The following ADGRE2 variants were observed in gnomAD, a reference collection of about 807,000 sequenced individuals.
ADGRE2 encodes the protein CD97 antigen.
Under a neutral mutation model 100.8 loss-of-function variants are expected in ADGRE2, and 83 were observed. The observed-to-expected ratio is 0.82, with a 90% CI of 0.69 to 0.99. The LOEUF is 0.99. Among genes scored for constraint, ADGRE2 ranks in the 50% least tolerant of loss-of-function variants. ADGRE2 has a pLI of 0.00. For missense variants in ADGRE2, 814 were observed against 1,035.7 expected (o/e 0.79, Z 2.94); for synonymous variants, 355 against 413.0 (o/e 0.86, Z 1.70).
rs58065037 is a variant in ADGRE2, at chr19:14,754,439, TTATCTATCTATC to T, written c.1590+503_1590+514del. Among the ~76,000 whole-genome samples the T allele has an allele frequency of 2.7e-3, 342 of 126,336 alleles. 1 individual carries two copies. The highest frequency in any genetic ancestry group is 4.7e-3 in the Admixed American group (58 of 12,460). The allele number at this position is 126,336 out of a possible 152,430, so 82.9% of individuals were successfully genotyped here. Reference sequence around the variant, plus strand: ...TGGCTAGAATATAAGCAGGCAGAAATTATCTATCTATCTATCTATCTATCTATCTATCTATCT... The same window carrying T: ...TGGCTAGAATATAAGCAGGCAGAAATTATCTATCTATCTATCTATCTATCT... On this transcript the variant is annotated intron_variant, in intron 14 of 20. Coordinates refer to ENST00000315576, the MANE Select transcript of ADGRE2 (RefSeq NM_013447.4).
chr19:14,746,778 A>G lies in ADGRE2; in HGVS notation c.2091+118T>C. ...GAAGATTCAAGAGTGGTCTTAGGAA[A>G]CCTAACCCAACCCATGACAACCCAG... is the stretch of plus-strand genomic sequence containing the variant. On this transcript the variant is annotated intron_variant, in intron 17 of 20. Transcript: ENST00000315576. 3 of 902,694 alleles carry G rather than the reference A, an allele frequency of 3.3e-6. No homozygotes were observed. In the South Asian group the frequency reaches 4.6e-5, roughly 14 times the overall value. 55.9% of individuals were successfully genotyped at this position (902,694 alleles called of 1,614,324 possible).
At chr19:14,728,369 G>A (rs2042647210), downstream of ADGRE2, among the ~76,000 whole-genome samples, 1 of 152,212 alleles carries the variant, frequency 6.6e-6, no homozygotes, top group South Asian at 2.1e-4. Flanking sequence ...TGTGATGACA[G>A]TCTGTTTCTC....
intron 2 of ADGRE2, 34 bp downstream of exon 2, chr19:14,776,692 G>T (rs2044453588): frequency 1.2e-6 from 2 of 1,603,340 alleles, no homozygotes; most frequent in African/African-American, 1.3e-5. Flanking sequence ...GAGCTTCCTC[G>T]CTACCACCCC....
At chr19:14,731,165 C>T, downstream of ADGRE2, 1 of 1,532,518 alleles carries the variant, frequency 6.5e-7, no homozygotes, top group Non-Finnish European at 8.7e-7. Flanking sequence ...CCTTATAATT[C>T]CCTTTTCAGC....
chr19:14,747,778 G>C (rs1385649409), intron 16 of ADGRE2, among the ~76,000 whole-genome samples: 2 of 152,172 alleles, frequency 1.3e-5, no homozygotes, highest in Non-Finnish European at 2.9e-5. Flanking sequence ...TGGCACCACT[G>C]CACTCCAGCC....
chr19:14,778,351 G>T lies in ADGRE2; in HGVS notation c.-266C>A. 1 of 238,158 alleles carries T rather than the reference G, an allele frequency of 4.2e-6. No homozygotes were observed. Among genetic ancestry groups the T allele is most frequent in the African/African-American group, 2.3e-5 (1 of 43,246 alleles). 14.8% of individuals were successfully genotyped at this position (238,158 alleles called of 1,614,324 possible). On this transcript the variant is annotated 5_prime_UTR_variant, in exon 1 of 21. Transcript: ENST00000315576. ...CCGAGCTGGGGAGTTTGAGGCTGCG[G>T]TGAGCTAAGATGGTGCCACTGCACT...
chr19:14,772,935 C>T (rs1012713437), intron 4 of ADGRE2, among the ~76,000 whole-genome samples: 3 of 151,358 alleles, frequency 2.0e-5, no homozygotes, highest in East Asian at 1.9e-4. Context: ...AAAAACTAGC[C>T]GGGCATGGTG....
At chr19:14,753,279 A>C (rs1568596197) in intron 14 of ADGRE2, among the ~76,000 whole-genome samples, 1 of 151,802 alleles carries the variant, frequency 6.6e-6, no homozygotes, top group Non-Finnish European at 1.5e-5. Context: ...GTCCAGCAGG[A>C]GACTTGTGGA....
the ADGRE2 span, among the ~76,000 whole-genome samples, chr19:14,725,155 G>A: frequency 4.6e-5 from 7 of 152,132 alleles, no homozygotes; most frequent in Admixed American, 6.5e-5. Context: ...GAATGGGAGC[G>A]AGCAGGCAGG....
In ADGRE2 at chr19:14,776,921, G is replaced by A. The variant is rs1162756617; in HGVS notation, c.-165C>T. ...GCCCAGGGCCCTCCCCGGAACTGGC[G>A]GTGCAGCTGGAAGCCAGCAGGAAAG... On this transcript the variant is annotated 5_prime_UTR_variant, in exon 2 of 21. Transcript: ENST00000315576. 1 of 1,472,022 alleles carries A rather than the reference G, an allele frequency of 6.8e-7. No individual in the cohort carries two copies. 91.2% of individuals were successfully genotyped at this position (1,472,022 alleles called of 1,614,324 possible).
At chr19:14,777,136 G>C (rs1599899108) in intron 1 of ADGRE2, 1 of 981,342 alleles carries the variant, frequency 1.0e-6, no homozygotes, top group East Asian at 1.1e-4. Flanking sequence ...CTGCTGTGCA[G>C]GGGAAGGTGT....
At chr19:14,732,214 G>A (rs1417674459), downstream of ADGRE2, 1 of 152,120 alleles carries the variant, frequency 6.6e-6, no homozygotes, top group African/African-American at 2.4e-5. Context: ...CCTGTGTCGA[G>A]CAAGTCTGTA....
In ADGRE2 at chr19:14,774,290, C is replaced by G. The variant is rs1395924684; in HGVS notation, c.48G>C (p.Leu16=). ...FLVFLAFCVW[L]TLPGAETQDS... is the part of the protein sequence containing the mutation. ...CCTGGGTTTCAGCTCCCGGCAGAGTCAGCCAGACACAGAATGCTGCAACAG... is the reference window on the plus strand; with the variant it reads ...CCTGGGTTTCAGCTCCCGGCAGAGTGAGCCAGACACAGAATGCTGCAACAG... The change falls in exon 3 of 21, where the codon CTG becomes CTC. Residue 16 remains leucine, a synonymous_variant. Coordinates refer to ENST00000315576, the MANE Select transcript of ADGRE2 (RefSeq NM_013447.4). The G allele has an allele frequency of 6.3e-7, 1 of 1,583,292 alleles. No individual in the cohort carries two copies. The highest frequency in any genetic ancestry group is 1.8e-5 in the Admixed American group (1 of 56,746).
At chr19:14,764,202 A>T (rs1480316909) in intron 11 of ADGRE2, among the ~76,000 whole-genome samples, 1 of 150,466 alleles carries the variant, frequency 6.6e-6, no homozygotes, top group Non-Finnish European at 1.5e-5. Flanking sequence ...AGCTGGGGCC[A>T]CAGTTGTGCC....
chr19:14,763,985 C>T (rs886231038), intron 11 of ADGRE2, among the ~76,000 whole-genome samples: 2 of 150,506 alleles, frequency 1.3e-5, no homozygotes, highest in African/African-American at 2.4e-5. Context: ...CCCTCTTCCT[C>T]CTTTTTCTTC....
Position 14,776,818 on chromosome 19 carries a change from C to T in ADGRE2, c.-62G>A, listed in dbSNP as rs745451041. On this transcript the variant is annotated 5_prime_UTR_variant, in exon 2 of 21. Transcript: ENST00000315576. ...AAGAGTGAGTGGGACAGGGCTGTCC[C>T]GTCTCCGCAGGCTGGGCAGCTGTGC... 1.9e-6 allele frequency: 3 copies of T among 1,606,076 alleles called. No individual in the cohort carries two copies. In the Admixed American group the frequency reaches 5.1e-5, roughly 27 times the overall value.
chr19:14,736,671 TATATTTAGAAATATATAG>T lies in ADGRE2; in HGVS notation c.2464-445_2464-428del, dbSNP rs1281669704. Among the ~76,000 whole-genome samples, 391 of 137,504 alleles carry T rather than the reference TATATTTAGAAATATATAG, an allele frequency of 2.8e-3. 1 individual carries two copies. The highest frequency in any genetic ancestry group is 3.9e-3 in the Admixed American group (55 of 14,126). The allele number at this position is 137,504 out of a possible 152,430, so 90.2% of individuals were successfully genotyped here. A position where few individuals can be genotyped will look rare whatever the true frequency, so the allele number is the denominator to read the frequency against. On this transcript the variant is annotated intron_variant, in intron 20 of 20. Coordinates refer to ENST00000315576, the MANE Select transcript of ADGRE2 (RefSeq NM_013447.4). ...AAATACATAGATATTTCTAAATATA[TATATTTAGAAATATATAG>T]ATATTTAGAAATATATAGATATTTA...
At chr19:14,738,969 C>CTTTTCT (rs2042843515) in intron 20 of ADGRE2, among the ~76,000 whole-genome samples, 1 of 104,912 alleles carries the variant, frequency 9.5e-6, no homozygotes, top group Non-Finnish European at 2.1e-5. Flanking sequence ...CTTTTCTTTT[C>CTTTTCT]TTTTTTTTTT....
chr19:14,772,699 C>G (rs899746482), intron 4 of ADGRE2, among the ~76,000 whole-genome samples: 10 of 148,972 alleles, frequency 6.7e-5, no homozygotes, highest in African/African-American at 2.2e-4. Context: ...TGGCTGGCAT[C>G]CTAGATTTGG....
Sources: gnomAD v4.1 joint callset for allele counts (sites outside exome capture counted in the v4.1 genomes callset) on GRCh38, gnomAD v4.1.1 for gene constraint, MANE v1.5 for transcripts, NCBI Gene and HGNC (gene_info 2026-07-23, HGNC 2026-07-21) for gene names.